ODF2: variants seen among roughly 807,000 people sequenced by gnomAD.
ODF2 encodes outer dense fiber protein 2.
A neutral mutation model predicts 110.2 loss-of-function variants in ODF2; 47 were observed. The observed-to-expected ratio is 0.43, with a 90% CI of 0.34 to 0.54. ODF2 has a LOEUF of 0.54. Among genes scored for constraint, ODF2 ranks in the 20% least tolerant of loss-of-function variants. ODF2 has a pLI of 0.03. For synonymous variants in ODF2, 352 were observed against 397.7 expected, an observed-to-expected ratio of 0.89 and a Z score of 1.37; for missense variants, 812 against 1,054.5, an observed-to-expected ratio of 0.77 and a Z score of 3.19.
At chr9:128,491,872 T>C (rs2132210833) in intron 14 of ODF2, among the ~76,000 whole-genome samples, 1 of 150,202 alleles carries the variant, frequency 6.7e-6, no homozygotes, top group South Asian at 2.1e-4. Flanking sequence ...TTTTCTTTTT[T>C]TTTTTTTTTT....
rs1366027932 is a variant in ODF2 at position 128,456,439 on chromosome 9, C to T, written c.-209+184C>T. 26 of 1,513,866 alleles carry T rather than the reference C, an allele frequency of 1.7e-5. No homozygotes were observed. The East Asian group carries it at 6.9e-4, about 40-fold the overall frequency. The allele number at this position is 1,513,866 out of a possible 1,614,324, so 93.8% of individuals were successfully genotyped here. Reference sequence around the variant, plus strand: ...CGCCCCGCCCACCGGCGCGGGGCCTCTCCTCCTCCCGCTAACGGGCGGTCG... The same window carrying T: ...CGCCCCGCCCACCGGCGCGGGGCCTTTCCTCCTCCCGCTAACGGGCGGTCG... On this transcript the variant is annotated intron_variant, in intron 1 of 20. Transcript: ENST00000604420.
intron 11 of ODF2, among the ~76,000 whole-genome samples, chr9:128,484,418 C>A (rs978080384): frequency 6.6e-6 from 1 of 152,158 alleles, no homozygotes; most frequent in Non-Finnish European, 1.5e-5. Context: ...CTATCTCTGA[C>A]CACAAGGCTG....
chr9:128,473,863 T>A, intron 8 of ODF2, 122 bp downstream of exon 8: 2 of 874,968 alleles, frequency 2.3e-6, no homozygotes, highest in South Asian at 1.7e-5. Context: ...TAGAGAGATG[T>A]AATGAAATTG....
intron 10 of ODF2, among the ~76,000 whole-genome samples, chr9:128,483,230 G>A (rs1588911998): frequency 6.6e-6 from 1 of 151,924 alleles, no homozygotes; most frequent in African/African-American, 2.4e-5. Context: ...GAATATAATG[G>A]ATATGCAGAG....
At chr9:128,459,234 G>A (rs919511508) in intron 2 of ODF2, among the ~76,000 whole-genome samples, 4 of 152,154 alleles carry the variant, frequency 2.6e-5, no homozygotes, top group African/African-American at 9.7e-5. Context: ...TCTACCCTTG[G>A]CCAAACCAGC....
intron 14 of ODF2, among the ~76,000 whole-genome samples, 171 bp from the exon 15 acceptor site, chr9:128,492,255 G>C (rs765770171): frequency 3.3e-5 from 5 of 151,944 alleles, no homozygotes; most frequent in Non-Finnish European, 7.4e-5. Flanking sequence ...ATTCACTTGA[G>C]GTGGTAACAT....
At chr9:128,455,244 G>T, upstream of ODF2, 1 of 1,535,070 alleles carries the variant, frequency 6.5e-7, no homozygotes, top group Non-Finnish European at 8.7e-7. Flanking sequence ...TACACAGAGC[G>T]GCATAGAGAG....
intron 18 of ODF2, 177 bp from the exon 19 acceptor site, chr9:128,498,236 T>G (rs1845991516): frequency 8.8e-6 from 8 of 907,994 alleles, no homozygotes; most frequent in Non-Finnish European, 1.2e-5. Flanking sequence ...TTGCTCCAGC[T>G]GCACAGTTCT....
intron 9 of ODF2, 29 bp downstream of exon 9, chr9:128,481,680 G>C: frequency 6.4e-7 from 1 of 1,570,038 alleles, no homozygotes; most frequent in East Asian, 2.2e-5. Context: ...GTCTACTCTA[G>C]TGGGTACAGG....
chr9:128,487,922 C>T, exon 14 of ODF2: 1 of 1,614,078 alleles, frequency 6.2e-7, no homozygotes. Flanking sequence ...CAACAACAAA[C>T]CCTGGAGGAG....
intron 4 of ODF2, among the ~76,000 whole-genome samples, chr9:128,463,949 A>C (rs1837183115): frequency 6.6e-6 from 1 of 152,006 alleles, no homozygotes; most frequent in African/African-American, 2.4e-5. Context: ...GGTACAAGCG[A>C]TTCTCCTGCC....
chr9:128,455,923 G>C (rs2131371540), upstream of ODF2: 4 of 1,386,564 alleles, frequency 2.9e-6, no homozygotes, highest in Middle Eastern at 2.6e-4. Flanking sequence ...CTTGAATGGG[G>C]GGCGAGACCC....
At chr9:128,457,943 A>ATATATAT (rs1554817270) in intron 2 of ODF2, among the ~76,000 whole-genome samples, 13 of 140,422 alleles carry the variant, frequency 9.3e-5, no homozygotes, top group African/African-American at 2.7e-4. Context: ...ATATATATAT[A>ATATATAT]TTTTTTTTTT....
chr9:128,480,600 TGAGGTCAG>T (rs1842208536), intron 8 of ODF2, among the ~76,000 whole-genome samples: 1 of 152,208 alleles, frequency 6.6e-6, no homozygotes, highest in Non-Finnish European at 1.5e-5. Flanking sequence ...GCAGATCACC[TGAGGTCAG>T]GAGTTTGAGA....
intron 4 of ODF2, among the ~76,000 whole-genome samples, chr9:128,466,870 G>A (rs895492811): frequency 3.4e-5 from 5 of 145,772 alleles, no homozygotes; most frequent in Non-Finnish European, 7.5e-5. Context: ...TCAGCTACTC[G>A]GGAGGCTGAG....
chr9:128,459,261 A>G (rs1024839062), intron 2 of ODF2, among the ~76,000 whole-genome samples: 26 of 152,160 alleles, frequency 1.7e-4, no homozygotes, highest in African/African-American at 5.8e-4. Context: ...GCTTCTGTTC[A>G]TGTGCTGCTT....
chr9:128,480,411 C>T (rs571391780), intron 8 of ODF2, among the ~76,000 whole-genome samples: 1 of 152,342 alleles, frequency 6.6e-6, no homozygotes, highest in South Asian at 2.1e-4. Flanking sequence ...GTGGTGACAA[C>T]ACTTAAGATC....
At chr9:128,466,752 C>T (rs930839997) in intron 4 of ODF2, among the ~76,000 whole-genome samples, 6 of 148,584 alleles carry the variant, frequency 4.0e-5, no homozygotes, top group African/African-American at 1.5e-4. Context: ...CCGAGGCGGG[C>T]GGATCACAAG....
intron 14 of ODF2, 71 bp downstream of exon 14, chr9:128,488,096 G>A (rs1022435569): frequency 1.8e-5 from 28 of 1,568,332 alleles, no homozygotes; most frequent in African/African-American, 1.5e-4. Context: ...CTTGTCTTAC[G>A]TGGGCCTGGG....
Sources: allele counts gnomAD v4.1 joint callset (sites outside exome capture counted in the v4.1 genomes callset), GRCh38; gene constraint gnomAD v4.1.1; transcripts MANE v1.5; gene names NCBI Gene and HGNC (gene_info 2026-07-23, HGNC 2026-07-21).